Variants in TAF6L observed in about 807,000 individuals in gnomAD.
The protein encoded by TAF6L is TATA-box binding protein associated factor 6 like, also known as TAF6-like RNA polymerase II p300/CBP-associated factor-associated factor 65 kDa subunit 6L.
TAF6L carries 34 observed loss-of-function variants against 57.3 expected under a neutral mutation model. The observed-to-expected ratio is 0.59, with a 90% CI of 0.45 to 0.79. The LOEUF (loss-of-function observed/expected upper bound fraction) is 0.79, where lower values mean the gene tolerates loss of function less well. TAF6L is among the 30% of genes least tolerant of loss of function. The pLI is 0.00. For synonymous variants in TAF6L, 417 were observed against 376.3 expected (o/e 1.11, Z -1.25); for missense variants, 782 against 853.2 (o/e 0.92, Z 1.04).
Position 62,786,528 on chromosome 11 carries a change from G to A in TAF6L, c.1101G>A (p.Glu367=). The change falls in exon 11 of 11, where the codon GAG becomes GAA. Residue 367 remains glutamate (E), a synonymous_variant. Coordinates refer to ENST00000294168, the MANE Select transcript of TAF6L (RefSeq NM_006473.4). The part of the protein sequence containing the change: ...KVYGAILVAV[E]RLLKMKAQAA... Reference sequence around the variant, plus strand: ...CTTGGCTCTTACAGGTGGCGGTAGAGCGACTGCTGAAGATGAAGGCCCAGG... The same window carrying A: ...CTTGGCTCTTACAGGTGGCGGTAGAACGACTGCTGAAGATGAAGGCCCAGG... 1 of 1,553,508 alleles carries A rather than the reference G, an allele frequency of 6.4e-7. No homozygotes were observed. Among genetic ancestry groups the A allele is most frequent in the Non-Finnish European group, 8.7e-7 (1 of 1,146,872 alleles).
At chr11:62,773,350 A>G (rs1424940477) in intron 1 of TAF6L, among the ~76,000 whole-genome samples, 1 of 148,262 alleles carries the variant, frequency 6.7e-6, no homozygotes. Context: ...GTTTCACCAT[A>G]TTGTCCAGGC....
rs769202376 is a variant in TAF6L at position 62,787,309 on chromosome 11, T to G, written c.*13T>G. On this transcript the variant is annotated 3_prime_UTR_variant, in exon 11 of 11. Transcript: ENST00000294168. Reference sequence around the variant, plus strand: ...CTTGCCGCTCTGAGTCAGTGGCCCCTTCGTTCCTTGTAAATAAATCCCGCC... The same window carrying G: ...CTTGCCGCTCTGAGTCAGTGGCCCCGTCGTTCCTTGTAAATAAATCCCGCC... 1 of 1,530,688 alleles carries G rather than the reference T, an allele frequency of 6.5e-7. No homozygotes were observed. The highest frequency in any genetic ancestry group is 1.4e-5 in the African/African-American group (1 of 71,672). The allele number at this position is 1,530,688 out of a possible 1,614,324, so 94.8% of individuals were successfully genotyped here. A position where few individuals can be genotyped will look rare whatever the true frequency, so the allele number is the denominator to read the frequency against.
chr11:62,776,540 C>T (rs1051796595), intron 3 of TAF6L, 70 bp downstream of exon 3: 48 of 1,499,154 alleles, frequency 3.2e-5, no homozygotes, highest in Admixed American at 5.1e-5. Flanking sequence ...TCAGGGCTGG[C>T]GATGTGGTGA....
chr11:62,775,847 G>T lies in TAF6L; in HGVS notation c.64G>T (p.Glu22Ter), dbSNP rs1338630202. The change falls in exon 2 of 11, where the codon GAG becomes TAG. Residue 22 changes from glutamate to a stop codon, truncating the protein, a stop_gained. Coordinates refer to ENST00000294168, the MANE Select transcript of TAF6L (RefSeq NM_006473.4). LOFTEE classifies it high-confidence loss of function. ...TCGGGAGTCTGTCCGGCTCATGGCGGAGAGCACGGGCCTGGAGCTGAGCGA... is the reference window on the plus strand; with the variant it reads ...TCGGGAGTCTGTCCGGCTCATGGCGTAGAGCACGGGCCTGGAGCTGAGCGA... ...IPRESVRLMA[E>*]STGLELSDEV... 1 of 1,613,666 alleles carries T rather than the reference G, an allele frequency of 6.2e-7. No homozygotes were observed. The highest frequency in any genetic ancestry group is 8.5e-7 in the Non-Finnish European group (1 of 1,180,002).
chr11:62,783,967 T>C (rs1367646971), intron 9 of TAF6L, among the ~76,000 whole-genome samples: 1 of 44,550 alleles, frequency 2.2e-5, no homozygotes, highest in Admixed American at 2.7e-4. Context: ...TTTTTTGAGA[T>C]GGAATCTTGC....
chr11:62,778,525 C>A, intron 5 of TAF6L, 190 bp downstream of exon 5: 1 of 675,500 alleles, frequency 1.5e-6, no homozygotes, highest in Non-Finnish European at 2.6e-6. Flanking sequence ...AGACCTGTAA[C>A]TAGTCATAAT....
chr11:62,785,315 C>A (rs776993129), intron 9 of TAF6L, among the ~76,000 whole-genome samples: 3 of 151,908 alleles, frequency 2.0e-5, no homozygotes, highest in Non-Finnish European at 4.4e-5. Flanking sequence ...CTTCAGCCTC[C>A]CGAGTAGCTG....
At position 62,786,830 on chromosome 11, in the gene TAF6L, C is replaced by T. The variant is rs980709028; in HGVS notation, c.1403C>T (p.Pro468Leu). The T allele has an allele frequency of 3.1e-6, 5 of 1,602,868 alleles. No individual in the cohort carries two copies. Among genetic ancestry groups the T allele is most frequent in the Non-Finnish European group, 4.2e-6 (5 of 1,178,668 alleles). ...CAGCCTGCACCCACGGCTCCGCGGCCGCCCGGGGACAAGAAGGAGCCGGCG... is the reference window on the plus strand; with the variant it reads ...CAGCCTGCACCCACGGCTCCGCGGCTGCCCGGGGACAAGAAGGAGCCGGCG... ...TGQPAPTAPR[P>L]PGDKKEPAAA... The change falls in exon 11 of 11, where the codon CCG becomes CTG. Residue 468 changes from proline to leucine, a missense_variant. Transcript: ENST00000294168.
In TAF6L at chr11:62,786,801, C is replaced by T. The variant is rs760375334; in HGVS notation, c.1374C>T (p.Thr458=). 2 of 1,609,362 alleles carry T rather than the reference C, an allele frequency of 1.2e-6. No homozygotes were observed. Among genetic ancestry groups the T allele is most frequent in the Non-Finnish European group, 8.5e-7 (1 of 1,179,642 alleles). ...FGDSLATRFG[T]GQPAPTAPRP... Reference sequence around the variant, plus strand: ...ACAGCTTGGCCACACGCTTTGGCACCGGCCAGCCTGCACCCACGGCTCCGC... The same window carrying T: ...ACAGCTTGGCCACACGCTTTGGCACTGGCCAGCCTGCACCCACGGCTCCGC... The change falls in exon 11 of 11, where the codon ACC becomes ACT. Residue 458 remains threonine, a synonymous_variant. Transcript: ENST00000294168.
intron 1 of TAF6L, among the ~76,000 whole-genome samples, chr11:62,773,171 G>T (rs1236664942): frequency 1.6e-5 from 2 of 122,082 alleles, no homozygotes; most frequent in Non-Finnish European, 1.7e-5. Context: ...TTTTTGAGAT[G>T]GAGTCTTGCT....
rs774141283 is a variant in TAF6L, at chr11:62,777,992, C to T, written c.249C>T (p.Tyr83=). ...RWSSVEAVCG[Y]GSQEALPMRP... ...TTTTTCCTCAGGCTGTGTGTGGTTA[C>T]GGATCACAGGAGGCACTGCCCATGC... Residue 83 remains tyrosine, a synonymous_variant, in exon 4 of 11, where the codon TAC becomes TAT. Transcript: ENST00000294168. 4.0e-5 allele frequency: 64 copies of T among 1,613,986 alleles called. No individual in the cohort carries two copies. The highest frequency in any genetic ancestry group is 1.9e-4 in the South Asian group (17 of 91,092).
intron 6 of TAF6L, among the ~76,000 whole-genome samples, chr11:62,779,976 A>ATATTTTTTTT (rs1294367864): frequency 1.9e-5 from 1 of 52,626 alleles, no homozygotes; most frequent in Non-Finnish European, 3.6e-5. Flanking sequence ...ATATATATAT[A>ATATTTTTTTT]TTTTTTTTTT....
chr11:62,782,687 C>G lies in TAF6L; in HGVS notation c.828-6C>G, dbSNP rs1202479823. Reference sequence around the variant, plus strand: ...TCCCCTCCCTAACTGAATGGTGCTCCCACAGGACTCATGGGGACCTTGTAA... The same window carrying G: ...TCCCCTCCCTAACTGAATGGTGCTCGCACAGGACTCATGGGGACCTTGTAA... On this transcript the variant is annotated splice_region_variant and splice_polypyrimidine_tract_variant and intron_variant, in intron 8 of 10. Transcript: ENST00000294168. 4 of 1,611,598 alleles carry G rather than the reference C, an allele frequency of 2.5e-6. No homozygotes were observed. The highest frequency in any genetic ancestry group is 3.4e-6 in the Non-Finnish European group (4 of 1,179,684).
intron 8 of TAF6L, 92 bp downstream of exon 8, chr11:62,782,425 T>G: frequency 7.3e-7 from 1 of 1,377,416 alleles, no homozygotes; most frequent in Non-Finnish European, 9.9e-7. Flanking sequence ...GCTTTGAGAG[T>G]CTATGAGAAG....
intron 6 of TAF6L, among the ~76,000 whole-genome samples, chr11:62,780,936 CAAA>C (rs1302371766): frequency 7.6e-5 from 4 of 52,310 alleles, no homozygotes; most frequent in Admixed American, 4.8e-4. Flanking sequence ...GACTCCATCT[CAAA>C]AAAAAAAAAA....
At chr11:62,785,959 G>A (rs902531928) in intron 9 of TAF6L, 3 of 252,768 alleles carry the variant, frequency 1.2e-5, no homozygotes, top group East Asian at 7.8e-5. Context: ...ATTGTATAGG[G>A]TAGCAGTATG....
chr11:62,780,653 G>T (rs2084221818), intron 6 of TAF6L, among the ~76,000 whole-genome samples: 1 of 152,020 alleles, frequency 6.6e-6, no homozygotes, highest in African/African-American at 2.4e-5. Context: ...AAAGTGGCTG[G>T]GTGCGGTGGT....
At chr11:62,779,915 C>T (rs2084214535) in intron 6 of TAF6L, among the ~76,000 whole-genome samples, 1 of 145,590 alleles carries the variant, frequency 6.9e-6, no homozygotes, top group Non-Finnish European at 1.5e-5. Context: ...ATCCACCCGC[C>T]TCTGCCTCCC....
chr11:62,785,018 T>C (rs1351110846), intron 9 of TAF6L, among the ~76,000 whole-genome samples: 1 of 152,132 alleles, frequency 6.6e-6, no homozygotes. Context: ...TTTCTTTTTT[T>C]ATTTAATAGA....
Sources: gnomAD v4.1 joint callset for allele counts (sites outside exome capture counted in the v4.1 genomes callset) on GRCh38, gnomAD v4.1.1 for gene constraint, MANE v1.5 for transcripts, NCBI Gene and HGNC (gene_info 2026-07-23, HGNC 2026-07-21) for gene names.